The following C1QTNF6 variants were observed in gnomAD, a reference collection of about 807,000 sequenced individuals.
C1QTNF6 encodes complement C1q tumor necrosis factor-related protein 6.
C1QTNF6 carries 17 observed loss-of-function variants against 20.7 expected under a neutral mutation model. The ratio of observed to expected loss-of-function variants is 0.82; its 90% CI spans 0.56 to 1.23. The LOEUF is 1.23. C1QTNF6 is among the 50% of genes most tolerant of loss of function. The pLI is 0.00. For synonymous variants in C1QTNF6, 130 were observed against 156.3 expected, an observed-to-expected ratio of 0.83 and a Z score of 1.25; for missense variants, 329 against 389.7, an observed-to-expected ratio of 0.84 and a Z score of 1.31.
chr22:37,182,392 A>T lies in C1QTNF6; in HGVS notation c.633T>A (p.His211Gln), dbSNP rs756780463. The T allele has an allele frequency of 1.2e-6, 2 of 1,614,254 alleles. No homozygotes were observed. Among genetic ancestry groups the T allele is most frequent in the Non-Finnish European group, 8.5e-7 (1 of 1,180,030 alleles). The part of the protein sequence containing the change: ...NYKETYVHIM[H>Q]NQKEAVILYA... ...ACAGGATGACAGCCTCTTTCTGGTT[A>T]TGCATAATGTGCACGTACGTCTCCT... Residue 211 changes from histidine to glutamine, a missense_variant, in exon 3 of 3, where the codon CAT becomes CAA. Transcript: ENST00000337843.
chr22:37,198,891 G>C (rs555388953), upstream of C1QTNF6, among the ~76,000 whole-genome samples: 1 of 152,164 alleles, frequency 6.6e-6, no homozygotes, highest in Non-Finnish European at 1.5e-5. Flanking sequence ...CCGCCCAGGG[G>C]CCGGGGAAAG....
Position 37,181,642 on chromosome 22 carries a change from T to A in C1QTNF6, c.*546A>T, listed in dbSNP as rs1442235433. 6.6e-6 allele frequency: 1 copy of A among 152,572 alleles called. No homozygotes were observed. Among genetic ancestry groups the A allele is most frequent in the African/African-American group, 2.4e-5 (1 of 41,406 alleles). 9.5% of individuals were successfully genotyped at this position (152,572 alleles called of 1,614,324 possible). A position where few individuals can be genotyped will look rare whatever the true frequency, so the allele number is the denominator to read the frequency against. ...GGCAGAGGTTGCAGTGAACTGAGAT[T>A]GCACCACTGCACTCTAGCCTGGGCA... On this transcript the variant is annotated 3_prime_UTR_variant, in exon 3 of 3. Coordinates refer to ENST00000337843, the MANE Select transcript of C1QTNF6 (RefSeq NM_031910.4).
rs779731990 is a variant in C1QTNF6 at position 37,182,183 on chromosome 22, G to A, written c.*5C>T. On this transcript the variant is annotated 3_prime_UTR_variant, in exon 3 of 3. Coordinates refer to ENST00000337843, the MANE Select transcript of C1QTNF6 (RefSeq NM_031910.4). ...TCTCCAGCCGGGAGGGTGGCCCAGA[G>A]GCCCTCAGTCGTCCTCGGCCTTGAT... 6 of 1,604,166 alleles carry A rather than the reference G, an allele frequency of 3.7e-6. No individual in the cohort carries two copies. In the Admixed American group the frequency reaches 8.4e-5, roughly 22 times the overall value.
chr22:37,183,112 G>T (rs190447024), intron 2 of C1QTNF6, among the ~76,000 whole-genome samples: 3 of 152,338 alleles, frequency 2.0e-5, no homozygotes, highest in Admixed American at 2.0e-4. Flanking sequence ...AGTCCAGGCT[G>T]GCAGGGATGT....
chr22:37,198,180 A>G (rs1337645999), upstream of C1QTNF6: 2 of 152,296 alleles, frequency 1.3e-5, no homozygotes, highest in African/African-American at 4.8e-5. Context: ...AACCCAGGGT[A>G]CAGGCCCTGC....
At position 37,184,366 on chromosome 22, in the gene C1QTNF6, G is replaced by A. The variant is rs544800866; in HGVS notation, c.289+852C>T. The A allele has an allele frequency of 2.4e-5, 17 of 717,304 alleles. No homozygotes were observed. The highest frequency in any genetic ancestry group is 8.9e-5 in the South Asian group (6 of 67,604). 44.4% of individuals were successfully genotyped at this position (717,304 alleles called of 1,614,324 possible). On this transcript the variant is annotated intron_variant, in intron 2 of 2. Coordinates refer to ENST00000337843, the MANE Select transcript of C1QTNF6 (RefSeq NM_031910.4). This position sits in a 1 kb window ranked among gnomAD's most constrained non-coding sequence, Gnocchi z 4.0. ...CGGGCTGTTGTGGGCAGAGACGGAC[G>A]CTAAGGATGTCAAGGCCTGGTCACA...
Position 37,185,242 on chromosome 22 carries a change from AG to A in C1QTNF6, c.264del (p.Tyr89ThrfsTer7). The A allele has an allele frequency of 1.3e-6, 2 of 1,581,804 alleles. No individual in the cohort carries two copies. Among genetic ancestry groups the A allele is most frequent in the South Asian group, 1.2e-5 (1 of 86,536 alleles). ...CCCTTCAGGATGGTGATATTAATGT[AG>A]GGTCTGATCTCAGGCAGGGCGTGGG... ...GRPHALPEIR[P>X]YINITILKGD... is the part of the protein sequence containing the mutation. On this transcript the variant is annotated frameshift_variant, in exon 2 of 3. Transcript: ENST00000337843. LOFTEE classifies it high-confidence loss of function.
At chr22:37,183,509 C>T (rs1460994003) in intron 2 of C1QTNF6, among the ~76,000 whole-genome samples, 2 of 152,244 alleles carry the variant, frequency 1.3e-5, no homozygotes, top group African/African-American at 2.4e-5. Flanking sequence ...TGACTTTCAA[C>T]ATAAGAAAAG....
chr22:37,182,947 A>G (rs900578551), intron 2 of C1QTNF6: 61 of 1,423,560 alleles, frequency 4.3e-5, no homozygotes, highest in Non-Finnish European at 5.4e-5. Flanking sequence ...AGGGTGAGTG[A>G]CTCACCCCGG....
intron 1 of C1QTNF6, chr22:37,185,728 G>A (rs893523835): frequency 3.3e-5 from 37 of 1,118,488 alleles, no homozygotes; most frequent in Non-Finnish European, 3.9e-5. Flanking sequence ...ACAGGCCTTG[G>A]AAGGATGAAG....
At chr22:37,187,419 G>A (rs1181263664) in intron 1 of C1QTNF6, among the ~76,000 whole-genome samples, 1 of 152,170 alleles carries the variant, frequency 6.6e-6, no homozygotes, top group Admixed American at 6.5e-5. Flanking sequence ...CTGAGACCCA[G>A]AATAGTTTGC....
chr22:37,195,557 A>T (rs1165282745), intron 1 of C1QTNF6: 1 of 152,230 alleles, frequency 6.6e-6, no homozygotes, highest in Non-Finnish European at 1.5e-5. Flanking sequence ...CACAGAGTGA[A>T]GTCAAAGCAA....
upstream of C1QTNF6, chr22:37,198,365 G>A (rs1246270517): frequency 6.6e-6 from 1 of 152,200 alleles, no homozygotes; most frequent in Non-Finnish European, 1.5e-5. Context: ...GGCACATACT[G>A]ACCAAGAGCC....
In C1QTNF6 at chr22:37,181,493, G is replaced by A. The variant is rs535609449; in HGVS notation, c.*695C>T. ...ACCTGAAGTCAGGAGTTCAAGACCA[G>A]CCTGGCCAATATGGTGAAACCCCAT... On this transcript the variant is annotated 3_prime_UTR_variant, in exon 3 of 3. Coordinates refer to ENST00000337843, the MANE Select transcript of C1QTNF6 (RefSeq NM_031910.4). 1.1e-4 allele frequency: 16 copies of A among 152,330 alleles called. No individual in the cohort carries two copies. The highest frequency in any genetic ancestry group is 3.4e-3 in the Middle Eastern group (1 of 294). The allele number at this position is 152,330 out of a possible 1,614,324, so 9.4% of individuals were successfully genotyped here. A position where few individuals can be genotyped will look rare whatever the true frequency, so the allele number is the denominator to read the frequency against.
chr22:37,195,705 G>C (rs1925095635), intron 1 of C1QTNF6: 1 of 152,222 alleles, frequency 6.6e-6, no homozygotes, highest in Admixed American at 6.5e-5. Context: ...AGTTTTCCAA[G>C]AAAGGGGAGA....
At position 37,182,038 on chromosome 22, in the gene C1QTNF6, T is replaced by C. The variant is rs1011586907; in HGVS notation, c.*150A>G. On this transcript the variant is annotated 3_prime_UTR_variant, in exon 3 of 3. Transcript: ENST00000337843. ...AGCAGAAATAGGCTGGGAGGGATGA[T>C]GGCAGCCAAGATAGAAGCAGGGTCT... is the stretch of plus-strand genomic sequence containing the variant. 2.5e-5 allele frequency: 20 copies of C among 800,082 alleles called. No homozygotes were observed. The highest frequency in any genetic ancestry group is 7.0e-5 in the African/African-American group (4 of 57,386). The allele number at this position is 800,082 out of a possible 1,614,324, so 49.6% of individuals were successfully genotyped here. A position where few individuals can be genotyped will look rare whatever the true frequency, so the allele number is the denominator to read the frequency against.
At chr22:37,197,067 C>G (rs1405587821) in intron 1 of C1QTNF6, 1 of 152,294 alleles carries the variant, frequency 6.6e-6, no homozygotes, top group Non-Finnish European at 1.5e-5. Context: ...GCTGGGATGA[C>G]AGCCAGACTC....
rs757431560 is a variant in C1QTNF6, at chr22:37,182,601, G to A, written c.424C>T (p.Arg142Cys). The A allele has an allele frequency of 1.2e-5, 20 of 1,613,768 alleles. No individual in the cohort carries two copies. Among genetic ancestry groups the A allele is most frequent in the South Asian group, 8.8e-5 (8 of 91,084 alleles). Residue 142 changes from arginine (R) to cysteine (C), a missense_variant, in exon 3 of 3, where the codon CGC becomes TGC. By Grantham distance (180) the Arg-to-Cys change is radical. Transcript: ENST00000337843. ...MGSPGAPCQK[R>C]FFAFSVGRKT... The stretch of plus-strand genomic sequence containing the variant: ...CGGCCCACTGAGAAGGCGAAGAAGC[G>A]CTTCTGGCACGGGGCGCCGGGGCTG...
chr22:37,198,812 C>G (rs539594241), upstream of C1QTNF6, among the ~76,000 whole-genome samples: 8 of 152,152 alleles, frequency 5.3e-5, no homozygotes, highest in African/African-American at 9.6e-5. Flanking sequence ...CCCCACCCCC[C>G]ACACACAAAC....
Sources: gnomAD v4.1 joint callset for allele counts (sites outside exome capture counted in the v4.1 genomes callset) on GRCh38, gnomAD v4.1.1 for gene constraint, Gnocchi (gnomAD v3.1) non-coding constraint, MANE v1.5 for transcripts, NCBI Gene and HGNC (gene_info 2026-07-23, HGNC 2026-07-21) for gene names.